The following PDCD5 variants were observed in gnomAD, a reference collection of about 807,000 sequenced individuals.
The protein encoded by PDCD5 is programmed cell death 5.
Under a neutral mutation model 21.9 loss-of-function variants are expected in PDCD5, and 23 were observed. The observed-to-expected ratio is 1.05, with a 90% CI of 0.76 to 1.49. PDCD5 has a LOEUF of 1.49. Among genes scored for constraint, PDCD5 ranks in the 40% most tolerant of loss-of-function variants. PDCD5 has a pLI of 0.00. For missense variants in PDCD5, 152 were observed against 147.7 expected (o/e 1.03, Z -0.15); for synonymous variants, 45 against 49.4 (o/e 0.91, Z 0.37).
chr19:32,582,180 GTTTT>G lies in PDCD5; in HGVS notation c.67-8_67-5del. The G allele has an allele frequency of 6.8e-7, 1 of 1,475,170 alleles. No homozygotes were observed. Among genetic ancestry groups the G allele is most frequent in the Non-Finnish European group, 9.3e-7 (1 of 1,075,436 alleles). The allele number at this position is 1,475,170 out of a possible 1,614,324, so 91.4% of individuals were successfully genotyped here. ...CGTGAAATTTCTCTATTAAATTTAAGTTTTTTTTTTCCAGGATCCTGGTGATGCG... is the reference window on the plus strand; with the variant it reads ...CGTGAAATTTCTCTATTAAATTTAAGTTTTTTCCAGGATCCTGGTGATGCG... On this transcript the variant is annotated splice_polypyrimidine_tract_variant and intron_variant, in intron 1 of 5. Transcript: ENST00000590247.
At chr19:32,581,461 T>A (rs1414925800) in intron 1 of PDCD5, 134 bp downstream of exon 1, 5 of 477,396 alleles carry the variant, frequency 1.0e-5, no homozygotes, top group Non-Finnish European at 1.4e-5. Context: ...CCTGGCGGCC[T>A]CGTGGCCGGC....
chr19:32,585,149 T>C, intron 3 of PDCD5, 138 bp downstream of exon 3: 1 of 706,998 alleles, frequency 1.4e-6, no homozygotes, highest in Non-Finnish European at 2.5e-6. Flanking sequence ...GTGTGAAGTT[T>C]ATAAACCTAG....
chr19:32,585,992 A>G (rs748090292), intron 4 of PDCD5, 85 bp downstream of exon 4: 4 of 1,612,346 alleles, frequency 2.5e-6, no homozygotes, highest in East Asian at 2.2e-5. Flanking sequence ...TCTTCACTGG[A>G]TTACAGAATT....
chr19:32,581,475 G>A lies in PDCD5; in HGVS notation c.66+148G>A, dbSNP rs1971425113. The A allele has an allele frequency of 2.6e-5, 11 of 425,584 alleles. No individual in the cohort carries two copies. In the East Asian group the frequency reaches 4.3e-4, roughly 17 times the overall value. 26.4% of individuals were successfully genotyped at this position (425,584 alleles called of 1,614,324 possible). ...CCCTGGCGGCCTCGTGGCCGGCTCA[G>A]AGGTGGCCTCGTCGCTTTCCTCGTC... On this transcript the variant is annotated intron_variant, in intron 1 of 5. Transcript: ENST00000590247.
rs35500233 is a variant in PDCD5 at position 32,582,180 on chromosome 19, GT to G, written c.67-5del. ...CGTGAAATTTCTCTATTAAATTTAA[GT>G]TTTTTTTTTCCAGGATCCTGGTGAT... On this transcript the variant is annotated splice_polypyrimidine_tract_variant and intron_variant, in intron 1 of 5. Coordinates refer to ENST00000590247, the MANE Select transcript of PDCD5 (RefSeq NM_004708.4). 0.088 allele frequency: 129,916 copies of G among 1,473,344 alleles called. 5,875 individuals are homozygous for G. The highest frequency in any genetic ancestry group is 0.26 in the East Asian group (10,769 of 41,708). 91.3% of individuals were successfully genotyped at this position (1,473,344 alleles called of 1,614,324 possible).
In PDCD5 at chr19:32,587,190, C is replaced by T. The variant is rs534370002; in HGVS notation, c.331-63C>T. ...TTGCTAAAATTGGTAGAAATCTTTT[C>T]TCGGAAAATCTGAGTTATGCTTTAT... On this transcript the variant is annotated intron_variant, in intron 5 of 5. Transcript: ENST00000590247. The T allele has an allele frequency of 3.9e-4, 503 of 1,286,206 alleles. 4 individuals are homozygous for T. The South Asian group carries it at 5.9e-3, about 15-fold the overall frequency. 79.7% of individuals were successfully genotyped at this position (1,286,206 alleles called of 1,614,324 possible).
At chr19:32,581,382 G>A (rs1215988856) in intron 1 of PDCD5, 55 bp downstream of exon 1, 5 of 1,273,884 alleles carry the variant, frequency 3.9e-6, no homozygotes, top group African/African-American at 3.1e-5. Context: ...GCCCTCGCCC[G>A]GAGTGTAGGG....
intron 2 of PDCD5, 90 bp downstream of exon 2, chr19:32,582,322 G>C (rs1971436612): frequency 3.3e-6 from 4 of 1,194,446 alleles, no homozygotes; most frequent in Non-Finnish European, 4.9e-6. Context: ...GTGTGACTCA[G>C]ATTTTTTTGT....
In PDCD5 at chr19:32,581,272, A is replaced by T; in HGVS notation, c.11A>T (p.Glu4Val). The change falls in exon 1 of 6, where the codon GAG becomes GTG. Residue 4 changes from glutamate (E) to valine (V), a missense_variant. Glu to Val is a moderately radical substitution (Grantham distance 121). Transcript: ENST00000590247. MAD[E>V]ELEALRRQRL... ...CGCTGACGCCGAGCCATGGCGGACG[A>T]GGAGCTTGAGGCGCTGAGGAGACAG... 6.6e-7 allele frequency: 1 copy of T among 1,525,812 alleles called. No individual in the cohort carries two copies. Among genetic ancestry groups the T allele is most frequent in the Non-Finnish European group, 8.8e-7 (1 of 1,140,818 alleles). The allele number at this position is 1,525,812 out of a possible 1,614,324, so 94.5% of individuals were successfully genotyped here. A position where few individuals can be genotyped will look rare whatever the true frequency, so the allele number is the denominator to read the frequency against.
chr19:32,587,176 G>A (rs1180202725), intron 5 of PDCD5, 77 bp from the exon 6 acceptor site: 1 of 1,169,210 alleles, frequency 8.6e-7, no homozygotes, highest in Middle Eastern at 1.9e-4. Flanking sequence ...TGCTAAAATT[G>A]GTAGAAATCT....
At chr19:32,585,364 G>A (rs2099484150) in intron 3 of PDCD5, among the ~76,000 whole-genome samples, 1 of 152,188 alleles carries the variant, frequency 6.6e-6, no homozygotes, top group Non-Finnish European at 1.5e-5. Context: ...GTCAGTTTTA[G>A]TGTATGTTCA....
rs780244929 is a variant in PDCD5, at chr19:32,582,257, T to C, written c.104+25T>C. ...GGTATGGGCTGGAAACGTGAACTTT[T>C]TGAAGGGTGGTTTCACCAAATGGAT... On this transcript the variant is annotated intron_variant, in intron 2 of 5. Transcript: ENST00000590247. 1.2e-5 allele frequency: 19 copies of C among 1,596,068 alleles called. 1 individual carries two copies. The Middle Eastern group carries it at 1.7e-3, about 139-fold the overall frequency.
chr19:32,585,321 G>A (rs1013546565), intron 3 of PDCD5, among the ~76,000 whole-genome samples: 1 of 152,098 alleles, frequency 6.6e-6, no homozygotes. Context: ...TGGGGACTGG[G>A]GATGGGGGAC....
At chr19:32,582,674 C>T (rs1404542441) in intron 2 of PDCD5, among the ~76,000 whole-genome samples, 3 of 152,148 alleles carry the variant, frequency 2.0e-5, no homozygotes, top group Non-Finnish European at 1.5e-5. Flanking sequence ...TGTGATTACC[C>T]TATCATGCTA....
chr19:32,582,792 A>C (rs572754979), intron 2 of PDCD5, among the ~76,000 whole-genome samples: 1 of 152,296 alleles, frequency 6.6e-6, no homozygotes, highest in East Asian at 1.9e-4. Context: ...TGCAAGACTG[A>C]AACCTTTAGC....
At position 32,582,326 on chromosome 19, in the gene PDCD5, T is replaced by G. The variant is rs185872166; in HGVS notation, c.104+94T>G. 1.9e-3 allele frequency: 2,225 copies of G among 1,167,170 alleles called. 27 individuals carry two copies. In the Admixed American group the frequency reaches 0.028, roughly 15 times the overall value. 72.3% of individuals were successfully genotyped at this position (1,167,170 alleles called of 1,614,324 possible). Reference sequence around the variant, plus strand: ...TTTAAGCAGGTGTGTGACTCAGATTTTTTTGTTTTGCTGGAATGGTGATTT... The same window carrying G: ...TTTAAGCAGGTGTGTGACTCAGATTGTTTTGTTTTGCTGGAATGGTGATTT... On this transcript the variant is annotated intron_variant, in intron 2 of 5. Transcript: ENST00000590247.
intron 4 of PDCD5, chr19:32,586,175 G>T: frequency 6.9e-7 from 1 of 1,451,786 alleles, no homozygotes; most frequent in South Asian, 1.5e-5. Flanking sequence ...AATTGCCCCT[G>T]CACTGGAAGC....
intron 1 of PDCD5, 117 bp from the exon 2 acceptor site, chr19:32,582,077 TG>T: frequency 1.4e-6 from 1 of 709,884 alleles, no homozygotes; most frequent in Non-Finnish European, 2.5e-6. Context: ...GTTTCTTATT[TG>T]GGGAGTTGTT....
At position 32,586,844 on chromosome 19, in the gene PDCD5, T is replaced by C. The variant is rs1297180447; in HGVS notation, c.259-14T>C. On this transcript the variant is annotated splice_polypyrimidine_tract_variant and intron_variant, in intron 4 of 5. Coordinates refer to ENST00000590247, the MANE Select transcript of PDCD5 (RefSeq NM_004708.4). ...AAAAAGTACTGTTTTTCTTATCTTT[T>C]CTGGTTCTCCTAGGTATCAGAACAA... 6.3e-7 allele frequency: 1 copy of C among 1,594,862 alleles called. No individual in the cohort carries two copies. Among genetic ancestry groups the C allele is most frequent in the African/African-American group, 1.4e-5 (1 of 73,494 alleles).
Sources: gnomAD v4.1 joint callset for allele counts (sites outside exome capture counted in the v4.1 genomes callset) on GRCh38, gnomAD v4.1.1 for gene constraint, MANE v1.5 for transcripts, NCBI Gene and HGNC (gene_info 2026-07-23, HGNC 2026-07-21) for gene names.